PPARGC1A: variants seen among roughly 807,000 people sequenced by gnomAD.
The protein encoded by PPARGC1A is PPARG coactivator 1 alpha, also known as peroxisome proliferator-activated receptor gamma coactivator 1-alpha.
A neutral mutation model predicts 88.7 loss-of-function variants in PPARGC1A; 25 were observed. The observed-to-expected ratio is 0.28, with a 90% CI of 0.21 to 0.39. The LOEUF (loss-of-function observed/expected upper bound fraction) is 0.39, where lower values mean the gene tolerates loss of function less well. Among genes scored for constraint, PPARGC1A ranks in the 10% least tolerant of loss-of-function variants. The pLI is 1.00. For missense variants in PPARGC1A, 880 were observed against 968.7 expected, an observed-to-expected ratio of 0.91 and a Z score of 1.22; for synonymous variants, 363 against 355.6, an observed-to-expected ratio of 1.02 and a Z score of -0.24.
chr4:24,284,181 T>C, the PPARGC1A span, among the ~76,000 whole-genome samples: 1 of 149,848 alleles, frequency 6.7e-6, no homozygotes, highest in South Asian at 2.2e-4. Context: ...GGGGGGCACC[T>C]GTAATCCCAG....
At chr4:23,888,926 C>A (rs940782959) in intron 1 of PPARGC1A, 3 of 984,506 alleles carry the variant, frequency 3.0e-6, no homozygotes, top group Non-Finnish European at 1.2e-6. Context: ...CAATTCAATT[C>A]GAGTCCATCT....
the PPARGC1A span, among the ~76,000 whole-genome samples, chr4:24,103,251 T>C: frequency 1.3e-5 from 2 of 152,004 alleles, no homozygotes; most frequent in African/African-American, 4.8e-5. Context: ...CCCTCTCCAT[T>C]AGCCACACTC....
At chr4:24,140,410 A>C in the PPARGC1A span, among the ~76,000 whole-genome samples, 3 of 152,200 alleles carry the variant, frequency 2.0e-5, no homozygotes, top group Non-Finnish European at 4.4e-5. Flanking sequence ...TTTTGTTCAC[A>C]ACAATGCCAA....
the PPARGC1A span, among the ~76,000 whole-genome samples, chr4:24,015,640 C>T: frequency 3.7e-4 from 57 of 152,030 alleles, no homozygotes; most frequent in African/African-American, 1.3e-3. Flanking sequence ...GGCGTGTGTG[C>T]GTGTGTGTGA....
At chr4:23,911,222 C>T in the PPARGC1A span, among the ~76,000 whole-genome samples, 1 of 152,110 alleles carries the variant, frequency 6.6e-6, no homozygotes, top group Non-Finnish European at 1.5e-5. Context: ...CTCCCCCCTC[C>T]CCTACTTTGA....
the PPARGC1A span, among the ~76,000 whole-genome samples, chr4:24,194,386 T>C: frequency 2.3e-3 from 354 of 152,234 alleles, 4 homozygotes; most frequent in African/African-American, 8.2e-3. Context: ...GCATCCTTTT[T>C]CTATACACCA....
chr4:24,140,679 T>G, the PPARGC1A span, among the ~76,000 whole-genome samples: 2 of 152,198 alleles, frequency 1.3e-5, no homozygotes, highest in Non-Finnish European at 2.9e-5. Context: ...GTGAATCTCT[T>G]TCTTTGTGCT....
At chr4:24,336,727 T>C in the PPARGC1A span, among the ~76,000 whole-genome samples, 1 of 152,162 alleles carries the variant, frequency 6.6e-6, no homozygotes, top group Admixed American at 6.5e-5. Context: ...TTTTGGTAGA[T>C]AGCTGGCTTT....
At chr4:24,335,178 C>T in the PPARGC1A span, among the ~76,000 whole-genome samples, 3 of 152,166 alleles carry the variant, frequency 2.0e-5, no homozygotes, top group Admixed American at 1.3e-4. Context: ...GCAGTCAATA[C>T]ATGGAACAGA....
At chr4:24,136,222 G>T in the PPARGC1A span, among the ~76,000 whole-genome samples, 1 of 152,086 alleles carries the variant, frequency 6.6e-6, no homozygotes, top group Non-Finnish European at 1.5e-5. Context: ...TAGTCAACTG[G>T]GTCAATGAGG....
At chr4:24,337,763 G>T in the PPARGC1A span, among the ~76,000 whole-genome samples, 1 of 150,918 alleles carries the variant, frequency 6.6e-6, no homozygotes, top group Non-Finnish European at 1.5e-5. Flanking sequence ...AAGAAAGGGC[G>T]AAACCAAATG....
chr4:24,309,291 A>AAGG, the PPARGC1A span, among the ~76,000 whole-genome samples: 3 of 152,190 alleles, frequency 2.0e-5, no homozygotes, highest in Non-Finnish European at 4.4e-5. Flanking sequence ...TAATTTTAAA[A>AAGG]AGGAGGAGGA....
At chr4:23,836,986 T>G (rs1302954958) in intron 2 of PPARGC1A, among the ~76,000 whole-genome samples, 2 of 152,200 alleles carry the variant, frequency 1.3e-5, no homozygotes, top group African/African-American at 4.8e-5. Context: ...CGAGCTATTA[T>G]GAAAGGACCA....
chr4:23,857,484 A>G (rs1247930263), intron 2 of PPARGC1A, among the ~76,000 whole-genome samples: 1 of 151,704 alleles, frequency 6.6e-6, no homozygotes, highest in Non-Finnish European at 1.5e-5. Context: ...CATAAGCACT[A>G]GTTTCAATTC....
intron 2 of PPARGC1A, among the ~76,000 whole-genome samples, chr4:23,844,334 A>C (rs1727607390): frequency 7.2e-6 from 1 of 139,510 alleles, no homozygotes. Flanking sequence ...ATCATAAACT[A>C]TATTATATAT....
intron 5 of PPARGC1A, 151 bp downstream of exon 5, chr4:23,828,249 C>T (rs1483084526): frequency 5.1e-6 from 4 of 789,906 alleles, no homozygotes; most frequent in Non-Finnish European, 8.2e-6. Context: ...GGAAAGGTTT[C>T]TTCCCCCGCT....
At chr4:24,203,251 T>A in the PPARGC1A span, among the ~76,000 whole-genome samples, 7 of 152,136 alleles carry the variant, frequency 4.6e-5, no homozygotes. Context: ...TCATTAAGAA[T>A]GACCAGGCCG....
chr4:23,832,279 C>A (rs910253693), intron 2 of PPARGC1A, among the ~76,000 whole-genome samples: 2 of 152,160 alleles, frequency 1.3e-5, no homozygotes, highest in African/African-American at 2.4e-5. Flanking sequence ...CATCACTGAA[C>A]ACTCCAAAAT....
chr4:23,894,897 CAGGTTA>C (rs1217998598), upstream of PPARGC1A, among the ~76,000 whole-genome samples: 1 of 151,810 alleles, frequency 6.6e-6, no homozygotes, highest in African/African-American at 2.4e-5. Flanking sequence ...TTAATTATTC[CAGGTTA>C]ATTTATCTAT....
Sources: allele counts gnomAD v4.1 joint callset (sites outside exome capture counted in the v4.1 genomes callset), GRCh38; gene constraint gnomAD v4.1.1; transcripts MANE v1.5; gene names NCBI Gene and HGNC (gene_info 2026-07-23, HGNC 2026-07-21).